Variants in VWF observed in about 807,000 individuals in gnomAD.
The protein encoded by VWF is von Willebrand factor.
In VWF, 176 loss-of-function variants were observed where a neutral mutation model predicts 308.6. The ratio of observed to expected loss-of-function variants is 0.57; its 90% CI spans 0.50 to 0.65. The LOEUF (loss-of-function observed/expected upper bound fraction) is 0.65, where lower values mean the gene tolerates loss of function less well. VWF is among the 30% of genes least tolerant of loss of function. The probability of loss-of-function intolerance (pLI) is 0.00; values close to 1 mark genes in which losing one functional copy is unlikely to be tolerated. For missense variants in VWF, 3,146 were observed against 3,648.2 expected, an observed-to-expected ratio of 0.86 and a Z score of 3.55; for synonymous variants, 1,385 against 1,443.4, an observed-to-expected ratio of 0.96 and a Z score of 0.92.
chr12:6,078,046 C>A (rs1944865617), intron 6 of VWF, among the ~76,000 whole-genome samples: 1 of 152,134 alleles, frequency 6.6e-6, no homozygotes, highest in East Asian at 1.9e-4. Flanking sequence ...CCCCTATCAT[C>A]ATCATCATCA....
At chr12:5,951,952 G>T in intron 49 of VWF, 69 bp from the exon 50 acceptor site, 1 of 1,538,954 alleles carries the variant, frequency 6.5e-7, no homozygotes, top group Non-Finnish European at 9.0e-7. Context: ...GGTCACTCCG[G>T]GCCAATTTTT....
intron 41 of VWF, 121 bp downstream of exon 41, chr12:5,983,029 G>A (rs1943625462): frequency 9.5e-7 from 1 of 1,047,970 alleles, no homozygotes. Flanking sequence ...TCCCAACCCA[G>A]ATTCAGCTAG....
chr12:5,953,878 A>G (rs1315112173), intron 47 of VWF: 5 of 412,432 alleles, frequency 1.2e-5, no homozygotes, highest in Non-Finnish European at 2.2e-5. Context: ...TTTACTGGAC[A>G]ATTATTCTAT....
intron 1 of VWF, among the ~76,000 whole-genome samples, chr12:6,123,671 G>T (rs947059248): frequency 6.6e-6 from 1 of 152,188 alleles, no homozygotes; most frequent in Non-Finnish European, 1.5e-5. Context: ...GTTGGCCCCT[G>T]ACTCTGTACC....
intron 18 of VWF, among the ~76,000 whole-genome samples, chr12:6,042,796 A>C (rs1944409558): frequency 6.6e-6 from 1 of 152,184 alleles, no homozygotes; most frequent in South Asian, 2.1e-4. Flanking sequence ...CTAATATTTA[A>C]GGCTATCTGT....
chr12:6,000,425 A>T (rs1488062157), intron 34 of VWF, among the ~76,000 whole-genome samples: 1 of 152,252 alleles, frequency 6.6e-6, no homozygotes, highest in East Asian at 1.9e-4. Flanking sequence ...TATTCAGCCA[A>T]GGTGCCCTTC....
rs1944587418 is a variant in VWF at position 6,057,030 on chromosome 12, G to A, written c.1772C>T (p.Thr591Ile). 1 of 1,549,240 alleles carries A rather than the reference G, an allele frequency of 6.5e-7. No individual in the cohort carries two copies. The highest frequency in any genetic ancestry group is 8.7e-7 in the Non-Finnish European group (1 of 1,153,032). Residue 591 changes from threonine (T) to isoleucine (I), a missense_variant, in exon 15 of 52, where the codon ACA becomes ATA. By Grantham distance (89) the Thr-to-Ile change is moderately conservative. Around this residue, in one of 3 missense-constraint regions of VWF, gnomAD observed 1,304 missense variants for 1,353.0 expected, o/e 0.96. Transcript: ENST00000261405. ...GACGGCACGATGGCAGGCCTCGAAT[G>A]TGGGGGACGTCAGGACCGCGCACGC... ...EEACAVLTSP[T>I]FEACHRAVSP... is the part of the protein sequence containing the mutation.
intron 37 of VWF, among the ~76,000 whole-genome samples, chr12:5,993,356 A>T (rs1943765884): frequency 6.6e-6 from 1 of 152,126 alleles, no homozygotes. Flanking sequence ...GCAATCCTGC[A>T]GTGTTTATAA....
Position 5,967,536 on chromosome 12 carries a change from A to G in VWF, c.7837T>C (p.Ser2613Pro). 6.2e-7 allele frequency: 1 copy of G among 1,614,102 alleles called. No homozygotes were observed. ...CRCMVQVGVISGFKLECRKTT... is the reference protein window; with the variant it reads ...CRCMVQVGVIPGFKLECRKTT... ...TTCCTGCACTCCAGCTTGAATCCAG[A>G]GATGACCCCCACCTGCACCATGCAG... The change falls in exon 47 of 52, where the codon TCT (serine) becomes CCT (proline). Residue 2613 changes from serine (S) to proline (P), a missense_variant. Physicochemically the swap from Ser to Pro is moderately conservative, Grantham distance 74 (BLOSUM62 -1). Coordinates refer to ENST00000261405, the MANE Select transcript of VWF (RefSeq NM_000552.5).
intron 22 of VWF, among the ~76,000 whole-genome samples, chr12:6,027,883 C>A (rs1357193127): frequency 2.0e-5 from 3 of 148,014 alleles, no homozygotes; most frequent in Non-Finnish European, 3.0e-5. Context: ...CACACACACA[C>A]CCCTAAACAA....
chr12:6,075,286 C>G lies in VWF; in HGVS notation c.874+49G>C. ...GCACCCTAAGGGACACCACCCAGGA[C>G]AGACCGTTCATCCCCGGCAGGGCAG... On this transcript the variant is annotated intron_variant, in intron 7 of 51. Coordinates refer to ENST00000261405, the MANE Select transcript of VWF (RefSeq NM_000552.5). This position sits in a 1 kb window ranked among gnomAD's most constrained non-coding sequence, Gnocchi z 4.7. 1 of 1,611,506 alleles carries G rather than the reference C, an allele frequency of 6.2e-7. No homozygotes were observed. The highest frequency in any genetic ancestry group is 8.5e-7 in the Non-Finnish European group (1 of 1,178,594).
At chr12:6,009,477 C>T (rs2363319) in intron 34 of VWF, among the ~76,000 whole-genome samples, 17 of 150,120 alleles carry the variant, frequency 1.1e-4, no homozygotes, top group East Asian at 8.0e-4. Flanking sequence ...GGAAATACCA[C>T]GTGTTAACAA....
intron 15 of VWF, among the ~76,000 whole-genome samples, chr12:6,055,559 C>T (rs577141981): frequency 2.0e-5 from 3 of 152,174 alleles, no homozygotes; most frequent in African/African-American, 7.2e-5. Flanking sequence ...TCGTCCCTTT[C>T]GTCCTTACTG....
intron 6 of VWF, 116 bp downstream of exon 6, chr12:6,095,344 G>A: frequency 6.6e-7 from 1 of 1,507,138 alleles, no homozygotes; most frequent in African/African-American, 1.4e-5. Context: ...TGGAGGAAAT[G>A]GCCCTGCGTA....
intron 50 of VWF, 81 bp downstream of exon 50, chr12:5,951,763 G>T: frequency 1.4e-6 from 2 of 1,472,082 alleles, no homozygotes; most frequent in Non-Finnish European, 1.9e-6. Flanking sequence ...CTTGCTAATG[G>T]GTTTCAAGGA....
At chr12:6,049,350 G>A (rs920115595) in intron 16 of VWF, among the ~76,000 whole-genome samples, 6 of 152,084 alleles carry the variant, frequency 3.9e-5, no homozygotes, top group African/African-American at 9.7e-5. Flanking sequence ...TGGAGAGGTC[G>A]CTGATGTCAA....
intron 31 of VWF, 46 bp from the exon 32 acceptor site, chr12:6,013,691 T>C (rs1291895908): frequency 6.2e-7 from 1 of 1,608,844 alleles, no homozygotes; most frequent in South Asian, 1.1e-5. Context: ...GCAAGAAGGC[T>C]CAAAATGGAC....
Position 6,031,528 on chromosome 12 carries a change from C to T in VWF, c.2736G>A (p.Lys912=). The T allele has an allele frequency of 6.2e-7, 1 of 1,614,126 alleles. No homozygotes were observed. The highest frequency in any genetic ancestry group is 8.5e-7 in the Non-Finnish European group (1 of 1,180,018). Residue 912 remains lysine (K), a synonymous_variant, in exon 21 of 52, where the codon AAG becomes AAA. Coordinates refer to ENST00000261405, the MANE Select transcript of VWF (RefSeq NM_000552.5). The stretch of plus-strand genomic sequence containing the variant: ...ATTTCACTGAGGGGTGGCTGCATCC[C>T]TTATTCCCCACTAGGATCCGAAAGG... ...PGTFRILVGN[K]GCSHPSVKCK... is the part of the protein sequence containing the mutation.
chr12:6,092,617 G>A lies in VWF; in HGVS notation c.657+2843C>T, dbSNP rs1228250145. Reference sequence around the variant, plus strand: ...GCCCAGCTAGTTAGTGAGTGAGTGAGAGTGTGTGTGTGTGTGTGTGTGTGT... The same window carrying A: ...GCCCAGCTAGTTAGTGAGTGAGTGAAAGTGTGTGTGTGTGTGTGTGTGTGT... On this transcript the variant is annotated intron_variant, in intron 6 of 51. Transcript: ENST00000261405. Among the ~76,000 whole-genome samples, 723 of 112,694 alleles carry A rather than the reference G, an allele frequency of 6.4e-3. 19 individuals carry two copies. The highest frequency in any genetic ancestry group is 0.011 in the Non-Finnish European group (589 of 53,714). 73.9% of individuals were successfully genotyped at this position (112,694 alleles called of 152,430 possible).
Sources: gnomAD v4.1 joint callset for allele counts (sites outside exome capture counted in the v4.1 genomes callset) on GRCh38, gnomAD v4.1.1 for gene constraint, gnomAD v4.1.1 regional missense constraint, Gnocchi (gnomAD v3.1) non-coding constraint, MANE v1.5 for transcripts, NCBI Gene and HGNC (gene_info 2026-07-23, HGNC 2026-07-21) for gene names.